Variants in POLR3B observed in about 807,000 individuals in gnomAD.
The protein encoded by POLR3B is RNA polymerase III subunit B.
Under a neutral mutation model 147.4 loss-of-function variants are expected in POLR3B, and 96 were observed. The observed-to-expected ratio is 0.65, with a 90% CI of 0.55 to 0.77. The LOEUF is 0.77. Among genes scored for constraint, POLR3B ranks in the 30% least tolerant of loss-of-function variants. The probability of loss-of-function intolerance (pLI) is 0.00; values close to 1 mark genes in which losing one functional copy is unlikely to be tolerated. For synonymous variants in POLR3B, 461 were observed against 485.9 expected (o/e 0.95, Z 0.67); for missense variants, 1,036 against 1,413.5 (o/e 0.73, Z 4.28).
rs760062367 is a variant in POLR3B, at chr12:106,504,784, T to G, written c.3272+530T>G. On this transcript the variant is annotated intron_variant, in intron 27 of 27. Coordinates refer to ENST00000228347, the MANE Select transcript of POLR3B (RefSeq NM_018082.6). The surrounding 1 kb of genome is among the most constrained non-coding windows in gnomAD (Gnocchi z 4.6). ...AGCTGCTTCACACTTGTACTGTAGA[T>G]TCTGTGAGGGCAGAAACCGGGTCTG... Among the ~76,000 whole-genome samples the G allele has an allele frequency of 1.3e-5, 2 of 152,220 alleles. No individual in the cohort carries two copies. Among genetic ancestry groups the G allele is most frequent in the Non-Finnish European group, 2.9e-5 (2 of 68,028 alleles).
chr12:106,363,881 GC>G lies in POLR3B; in HGVS notation c.85del (p.Leu29CysfsTer6). On this transcript the variant is annotated frameshift_variant, in exon 2 of 28. Coordinates refer to ENST00000228347, the MANE Select transcript of POLR3B (RefSeq NM_018082.6). LOFTEE classifies it high-confidence loss of function. ...PIPTVEEKWR[L>X]LPAFLKVKGL... Reference sequence around the variant, plus strand: ...GTTTTGGCTCACAGGAAAAATGGAGGCTGCTTCCAGCATTTTTAAAGGTAAT... The same window carrying G: ...GTTTTGGCTCACAGGAAAAATGGAGGTGCTTCCAGCATTTTTAAAGGTAAT... The G allele has an allele frequency of 6.2e-7, 1 of 1,608,324 alleles. No individual in the cohort carries two copies. The highest frequency in any genetic ancestry group is 8.5e-7 in the Non-Finnish European group (1 of 1,175,240).
At chr12:106,393,997 T>G (rs1403844506) in intron 10 of POLR3B, among the ~76,000 whole-genome samples, 1 of 152,184 alleles carries the variant, frequency 6.6e-6, no homozygotes, top group Non-Finnish European at 1.5e-5. Context: ...TATCCACGTG[T>G]ACATTGTCTA....
chr12:106,486,563 T>A (rs942145850), intron 23 of POLR3B, among the ~76,000 whole-genome samples: 5 of 152,182 alleles, frequency 3.3e-5, no homozygotes, highest in African/African-American at 1.2e-4. Context: ...TTTAGTATTA[T>A]TTTCTGTCTC....
chr12:106,357,874 A>G lies in POLR3B; in HGVS notation c.-6A>G. Reference sequence around the variant, plus strand: ...TCTATCTGTTTCTTCCTCCTTCGTGAGCAGCATGGACGTGCTAGCGGAGGA... The same window carrying G: ...TCTATCTGTTTCTTCCTCCTTCGTGGGCAGCATGGACGTGCTAGCGGAGGA... On this transcript the variant is annotated 5_prime_UTR_variant, in exon 1 of 28. Transcript: ENST00000228347. 4 of 1,613,358 alleles carry G rather than the reference A, an allele frequency of 2.5e-6. No individual in the cohort carries two copies. Among genetic ancestry groups the G allele is most frequent in the Non-Finnish European group, 3.4e-6 (4 of 1,179,892 alleles).
chr12:106,404,320 T>G (rs985823583), intron 10 of POLR3B, among the ~76,000 whole-genome samples: 9 of 152,150 alleles, frequency 5.9e-5, no homozygotes, highest in Non-Finnish European at 1.3e-4. Context: ...CTTGAACTCC[T>G]TACTTCAGGT....
chr12:106,457,382 G>A, intron 21 of POLR3B, 86 bp downstream of exon 21: 3 of 1,103,224 alleles, frequency 2.7e-6, no homozygotes, highest in Non-Finnish European at 4.1e-6. Flanking sequence ...GGCAAAAAGG[G>A]CAGAAAAAAG....
At chr12:106,453,813 A>C (rs1275165296) in intron 19 of POLR3B, among the ~76,000 whole-genome samples, 1 of 152,132 alleles carries the variant, frequency 6.6e-6, no homozygotes, top group African/African-American at 2.4e-5. Flanking sequence ...AATCAGGTGG[A>C]AAGACTGATT....
intron 27 of POLR3B, among the ~76,000 whole-genome samples, chr12:106,508,797 A>G (rs12304010): frequency 0.026 from 3,898 of 152,358 alleles, 62 homozygotes; most frequent in South Asian, 0.047. Flanking sequence ...AAGGGACAAC[A>G]TGTTGTAAGT....
At chr12:106,457,399 C>T (rs2037879071) in intron 21 of POLR3B, 103 bp downstream of exon 21, 15 of 887,820 alleles carry the variant, frequency 1.7e-5, no homozygotes, top group Non-Finnish European at 2.5e-5. Context: ...AAAGTAACAA[C>T]CTATAAAACC....
chr12:106,424,644 A>C (rs757689873), intron 12 of POLR3B, among the ~76,000 whole-genome samples: 6 of 152,178 alleles, frequency 3.9e-5, no homozygotes, highest in Non-Finnish European at 5.9e-5. Context: ...TGTTTGCAGA[A>C]TAATGATTTA....
In POLR3B at chr12:106,457,155, G is replaced by C; in HGVS notation, c.2311G>C (p.Val771Leu). The C allele has an allele frequency of 6.2e-7, 1 of 1,613,348 alleles. No individual in the cohort carries two copies. The highest frequency in any genetic ancestry group is 8.5e-7 in the Non-Finnish European group (1 of 1,179,474). Reference sequence around the variant, plus strand: ...CATTTTAGGCTTTGGGCGTTGCCTTGTATATAAAAATGCTAAATGTACGTT... The same window carrying C: ...CATTTTAGGCTTTGGGCGTTGCCTTCTATATAAAAATGCTAAATGTACGTT... ...SLDRGFGRCL[V>L]YKNAKCTLKR... The change falls in exon 21 of 28, where the codon GTA (valine) becomes CTA (leucine). Residue 771 changes from valine (V) to leucine (L), a missense_variant. Val to Leu is a conservative substitution (Grantham distance 32, BLOSUM62 1). Transcript: ENST00000228347.
intron 4 of POLR3B, among the ~76,000 whole-genome samples, chr12:106,368,389 A>C (rs139323552): frequency 1.0e-3 from 152 of 152,128 alleles, no homozygotes; most frequent in African/African-American, 3.5e-3. Context: ...TCTTTATCCT[A>C]TCCATTTTTA....
At chr12:106,508,920 T>C (rs2038731662) in intron 27 of POLR3B, among the ~76,000 whole-genome samples, 1 of 152,246 alleles carries the variant, frequency 6.6e-6, no homozygotes. Context: ...CATCAGACTT[T>C]ACGTATCTCA....
chr12:106,405,833 A>T (rs139929605), intron 10 of POLR3B, 24 bp from the exon 11 acceptor site: 1 of 1,610,402 alleles, frequency 6.2e-7, no homozygotes, highest in Admixed American at 1.7e-5. Context: ...TCATTCAAAC[A>T]TTATTGTAAT....
chr12:106,394,612 A>T (rs1280175939), intron 10 of POLR3B, among the ~76,000 whole-genome samples: 3 of 152,230 alleles, frequency 2.0e-5, no homozygotes, highest in African/African-American at 7.2e-5. Flanking sequence ...TTGGGGTCAA[A>T]TAACCCTAGC....
chr12:106,389,192 G>A (rs189016060), intron 9 of POLR3B, among the ~76,000 whole-genome samples: 1 of 152,322 alleles, frequency 6.6e-6, no homozygotes, highest in African/African-American at 2.4e-5. Context: ...TGTGACTACT[G>A]AAGGCTAAAT....
intron 10 of POLR3B, among the ~76,000 whole-genome samples, chr12:106,404,807 C>T (rs997270190): frequency 1.3e-5 from 2 of 152,072 alleles, no homozygotes; most frequent in Non-Finnish European, 1.5e-5. Context: ...TTAAAGAAAT[C>T]TTGCCTACCC....
intron 23 of POLR3B, among the ~76,000 whole-genome samples, chr12:106,477,257 A>G (rs1286968260): frequency 2.0e-5 from 2 of 101,024 alleles, no homozygotes; most frequent in Non-Finnish European, 3.8e-5. Flanking sequence ...TGGGAGAACC[A>G]CTGCTCTCTT....
intron 21 of POLR3B, among the ~76,000 whole-genome samples, chr12:106,458,833 G>T (rs1051202239): frequency 1.3e-5 from 2 of 152,164 alleles, no homozygotes; most frequent in African/African-American, 4.8e-5. Flanking sequence ...CATAACCAAA[G>T]AAATATTTTG....
Sources: gnomAD v4.1 joint callset for allele counts (sites outside exome capture counted in the v4.1 genomes callset) on GRCh38, gnomAD v4.1.1 for gene constraint, Gnocchi (gnomAD v3.1) non-coding constraint, MANE v1.5 for transcripts, NCBI Gene and HGNC (gene_info 2026-07-23, HGNC 2026-07-21) for gene names.